Variants in CUX2 observed in about 807,000 individuals in gnomAD.
The protein encoded by CUX2 is homeobox protein cut-like 2.
CUX2 carries 40 observed loss-of-function variants against 144.8 expected under a neutral mutation model. That is an observed-to-expected ratio of 0.28 (90% CI 0.21 to 0.36). The LOEUF (loss-of-function observed/expected upper bound fraction) is 0.36, where lower values mean the gene tolerates loss of function less well. CUX2 is among the 10% of genes least tolerant of loss of function. CUX2 has a pLI of 1.00. For missense variants in CUX2, 1,615 were observed against 1,994.0 expected, an observed-to-expected ratio of 0.81 and a Z score of 3.62; for synonymous variants, 827 against 875.6, an observed-to-expected ratio of 0.94 and a Z score of 0.98.
At chr12:111,243,734 C>A (rs1883144442) in intron 3 of CUX2, among the ~76,000 whole-genome samples, 1 of 151,960 alleles carries the variant, frequency 6.6e-6, no homozygotes, top group Non-Finnish European at 1.5e-5. Flanking sequence ...GGGTTCCCGG[C>A]AAGCAGAACT....
chr12:111,194,572 CT>C (rs1880117891), intron 1 of CUX2, among the ~76,000 whole-genome samples: 1 of 152,228 alleles, frequency 6.6e-6, no homozygotes, highest in African/African-American at 2.4e-5. Flanking sequence ...TCGGCCAGAG[CT>C]GAGCATTGCA....
intron 1 of CUX2, among the ~76,000 whole-genome samples, chr12:111,120,179 A>C (rs1874560286): frequency 6.6e-6 from 1 of 152,108 alleles, no homozygotes; most frequent in Non-Finnish European, 1.5e-5. Context: ...GTGTTTCTCT[A>C]AATTCTATGA....
At chr12:111,346,968 C>T (rs1444021505) in intron 21 of CUX2, among the ~76,000 whole-genome samples, 1 of 152,176 alleles carries the variant, frequency 6.6e-6, no homozygotes, top group Non-Finnish European at 1.5e-5. Flanking sequence ...GCTGAGATCG[C>T]ACCACTGCAC....
intron 16 of CUX2, among the ~76,000 whole-genome samples, chr12:111,315,673 C>T (rs191646291): frequency 1.7e-3 from 261 of 152,072 alleles, no homozygotes; most frequent in African/African-American, 6.0e-3. Flanking sequence ...GAGCCGAGAT[C>T]GCGCCATTGC....
chr12:111,100,152 T>G, intron 1 of CUX2: 1 of 434,468 alleles, frequency 2.3e-6, no homozygotes, highest in Non-Finnish European at 4.6e-6. Flanking sequence ...TTGAGAGGAC[T>G]TGGGGGATGT....
chr12:111,201,878 T>C (rs1421217930), intron 1 of CUX2, among the ~76,000 whole-genome samples: 1 of 152,198 alleles, frequency 6.6e-6, no homozygotes, highest in African/African-American at 2.4e-5. Context: ...GGACCAGAGT[T>C]CAAAGCCCAG....
intron 1 of CUX2, among the ~76,000 whole-genome samples, chr12:111,074,521 C>T (rs892956655): frequency 6.6e-6 from 1 of 151,980 alleles, no homozygotes; most frequent in African/African-American, 2.4e-5. Flanking sequence ...CTTTGCCCAA[C>T]CTTGCCTGGG....
intron 1 of CUX2, among the ~76,000 whole-genome samples, chr12:111,135,581 G>A (rs767756595): frequency 1.6e-4 from 24 of 152,190 alleles, no homozygotes; most frequent in South Asian, 2.1e-4. Context: ...GAACCAACCC[G>A]CATGTGCATC....
Position 111,277,398 on chromosome 12 carries a change from T to G in CUX2, c.301+13559T>G, listed in dbSNP as rs1410381594. Among the ~76,000 whole-genome samples the G allele has an allele frequency of 6.6e-6, 1 of 152,072 alleles. No individual in the cohort carries two copies. The highest frequency in any genetic ancestry group is 1.5e-5 in the Non-Finnish European group (1 of 67,996). The stretch of plus-strand genomic sequence containing the variant: ...AGGACGGTCAGCTGCCATTTCCTTA[T>G]CTGATGCAAGCCGTTTCTCCTGGTA... On this transcript the variant is annotated intron_variant, in intron 4 of 21. Coordinates refer to ENST00000261726, the MANE Select transcript of CUX2 (RefSeq NM_015267.4). The surrounding 1 kb of genome is among the most constrained non-coding windows in gnomAD (Gnocchi z 5.0).
At chr12:111,086,947 A>G (rs944766565) in intron 1 of CUX2, among the ~76,000 whole-genome samples, 6 of 152,212 alleles carry the variant, frequency 3.9e-5, no homozygotes, top group Non-Finnish European at 4.4e-5. Context: ...GGTGCCAAAC[A>G]TGGCACTCAA....
intron 1 of CUX2, among the ~76,000 whole-genome samples, chr12:111,145,879 G>C (rs529472132): frequency 6.6e-6 from 1 of 151,108 alleles, no homozygotes; most frequent in East Asian, 2.0e-4. Flanking sequence ...GTTTTGTTTT[G>C]TATTTTTAGT....
chr12:111,202,123 G>A (rs1215587867), intron 1 of CUX2, among the ~76,000 whole-genome samples: 1 of 152,158 alleles, frequency 6.6e-6, no homozygotes, highest in Non-Finnish European at 1.5e-5. Flanking sequence ...ATTCATTGAC[G>A]AATGAATGAG....
intron 1 of CUX2, among the ~76,000 whole-genome samples, chr12:111,137,125 GA>G (rs1875945766): frequency 6.7e-6 from 1 of 149,458 alleles, no homozygotes; most frequent in South Asian, 2.1e-4. Flanking sequence ...TTTTTTGGTA[GA>G]GATGGCCATC....
At chr12:111,150,190 C>T (rs1003842841) in intron 1 of CUX2, among the ~76,000 whole-genome samples, 1 of 152,188 alleles carries the variant, frequency 6.6e-6, no homozygotes, top group Non-Finnish European at 1.5e-5. Context: ...CAGCTAAATG[C>T]GAAGTGGCAA....
At chr12:111,128,441 G>A (rs569021771) in intron 1 of CUX2, among the ~76,000 whole-genome samples, 29 of 152,328 alleles carry the variant, frequency 1.9e-4, no homozygotes, top group African/African-American at 6.5e-4. Flanking sequence ...GAGAGAGAAG[G>A]CAGTGCAGCA....
At chr12:111,112,931 C>A (rs956692269) in intron 1 of CUX2, among the ~76,000 whole-genome samples, 7 of 152,206 alleles carry the variant, frequency 4.6e-5, no homozygotes, top group African/African-American at 1.7e-4. Flanking sequence ...GCAGACTGAG[C>A]CTCAGTGCTT....
chr12:111,162,748 T>C (rs1877861221), intron 1 of CUX2, among the ~76,000 whole-genome samples: 1 of 152,168 alleles, frequency 6.6e-6, no homozygotes. Flanking sequence ...ACGAAGAGCA[T>C]AGAATTTGGG....
At chr12:111,225,226 G>A (rs538669928) in intron 3 of CUX2, among the ~76,000 whole-genome samples, 2 of 152,330 alleles carry the variant, frequency 1.3e-5, no homozygotes, top group South Asian at 4.1e-4. Context: ...CCACCACATG[G>A]TGAGTGTTCA....
chr12:111,117,752 A>G (rs1347268458), intron 1 of CUX2, among the ~76,000 whole-genome samples: 1 of 152,206 alleles, frequency 6.6e-6, no homozygotes, highest in Non-Finnish European at 1.5e-5. Flanking sequence ...GAGTATTTCC[A>G]TTTCACAGAT....
Sources: gnomAD v4.1 joint callset for allele counts (sites outside exome capture counted in the v4.1 genomes callset) on GRCh38, gnomAD v4.1.1 for gene constraint, Gnocchi (gnomAD v3.1) non-coding constraint, MANE v1.5 for transcripts, NCBI Gene and HGNC (gene_info 2026-07-23, HGNC 2026-07-21) for gene names.